The following CACNA2D1 variants were observed in gnomAD, a reference collection of about 807,000 sequenced individuals.
The protein encoded by CACNA2D1 is calcium voltage-gated channel auxiliary subunit alpha2delta 1.
CACNA2D1 carries 53 observed loss-of-function variants against 171.5 expected under a neutral mutation model. The observed-to-expected ratio is 0.31, with a 90% CI of 0.25 to 0.39. The LOEUF (loss-of-function observed/expected upper bound fraction) is 0.39. Among genes scored for constraint, CACNA2D1 ranks in the 10% least tolerant of loss-of-function variants. The probability of loss-of-function intolerance (pLI) is 1.00; values close to 1 mark genes in which losing one functional copy is unlikely to be tolerated. For missense variants in CACNA2D1, 903 were observed against 1,299.8 expected (o/e 0.69, Z 4.69); for synonymous variants, 442 against 443.1 (o/e 1.00, Z 0.03).
chr7:82,141,464 A>G (rs1343978003), intron 4 of CACNA2D1, among the ~76,000 whole-genome samples: 2 of 152,196 alleles, frequency 1.3e-5, no homozygotes, highest in African/African-American at 4.8e-5. Flanking sequence ...CCCTTAACCC[A>G]GTCTCCTGTT....
chr7:82,331,664 TGCACCAGGTGTCTTGA>T (rs1251194968), intron 3 of CACNA2D1, among the ~76,000 whole-genome samples: 4 of 152,180 alleles, frequency 2.6e-5, no homozygotes, highest in African/African-American at 9.7e-5. Context: ...ACTCAAATAA[TGCACCAGGTGTCTTGA>T]GCTTCCATTC....
At chr7:82,095,913 T>C (rs1370949057) in intron 6 of CACNA2D1, among the ~76,000 whole-genome samples, 1 of 152,186 alleles carries the variant, frequency 6.6e-6, no homozygotes, top group Non-Finnish European at 1.5e-5. Flanking sequence ...AAATCACCCC[T>C]TTTAATGGAG....
At chr7:82,218,002 T>A (rs182665196) in intron 3 of CACNA2D1, among the ~76,000 whole-genome samples, 2,434 of 152,056 alleles carry the variant, frequency 0.016, 69 homozygotes, top group African/African-American at 0.051. Flanking sequence ...TGGTGCGATC[T>A]CTGCTCACTG....
chr7:82,048,684 A>G (rs1396425999), intron 10 of CACNA2D1, among the ~76,000 whole-genome samples: 2 of 152,136 alleles, frequency 1.3e-5, no homozygotes, highest in Non-Finnish European at 2.9e-5. Flanking sequence ...TTTTAAGCCT[A>G]CTAAATAATT....
At chr7:81,973,595 A>T (rs972212055) in intron 25 of CACNA2D1, among the ~76,000 whole-genome samples, 33 of 151,812 alleles carry the variant, frequency 2.2e-4, no homozygotes, top group African/African-American at 7.7e-4. Flanking sequence ...AGGGAGGGAG[A>T]AGAGAACAAA....
chr7:82,095,192 T>C (rs1811709976), intron 6 of CACNA2D1, among the ~76,000 whole-genome samples: 1 of 152,136 alleles, frequency 6.6e-6, no homozygotes, highest in Non-Finnish European at 1.5e-5. Flanking sequence ...TTTTTTCCTA[T>C]GCCTACTTGT....
rs555778382 is a variant in CACNA2D1, at chr7:82,032,784, A to C, written c.1143+13T>G. The C allele has an allele frequency of 2.0e-5, 27 of 1,373,880 alleles. No individual in the cohort carries two copies. The East Asian group carries it at 5.6e-4, about 29-fold the overall frequency. 85.1% of individuals were successfully genotyped at this position (1,373,880 alleles called of 1,614,324 possible). On this transcript the variant is annotated intron_variant, in intron 12 of 38. Transcript: ENST00000356860. ...TCATTATTAAAATTTAAATATTATA[A>C]AATTACACTCACTTTTTTATCTTTA...
chr7:82,252,774 C>A (rs1805812752), intron 3 of CACNA2D1, among the ~76,000 whole-genome samples: 1 of 152,028 alleles, frequency 6.6e-6, no homozygotes, highest in African/African-American at 2.4e-5. Context: ...CCTGTAGTCC[C>A]AGCTACTCAG....
intron 15 of CACNA2D1, among the ~76,000 whole-genome samples, chr7:82,010,551 A>G (rs1799664187): frequency 6.6e-6 from 1 of 152,130 alleles, no homozygotes; most frequent in African/African-American, 2.4e-5. Context: ...GACTCCTCCT[A>G]TCATACACTG....
intron 21 of CACNA2D1, among the ~76,000 whole-genome samples, chr7:81,988,566 G>A (rs1017540037): frequency 6.6e-6 from 1 of 152,064 alleles, no homozygotes; most frequent in Non-Finnish European, 1.5e-5. Context: ...TTTATTAGGA[G>A]AGAAATAGTT....
At chr7:81,975,070 C>G (rs1404288775) in intron 24 of CACNA2D1, among the ~76,000 whole-genome samples, 1 of 151,658 alleles carries the variant, frequency 6.6e-6, no homozygotes, top group East Asian at 1.9e-4. Flanking sequence ...ACAAACACAA[C>G]TGAGTGGACA....
intron 10 of CACNA2D1, among the ~76,000 whole-genome samples, chr7:82,054,965 A>G (rs948874041): frequency 1.3e-5 from 2 of 152,216 alleles, no homozygotes; most frequent in Non-Finnish European, 2.9e-5. Context: ...TCAGCCAACT[A>G]TCAACTAAGG....
chr7:82,064,376 A>G (rs777607534), intron 8 of CACNA2D1, 22 bp from the exon 9 acceptor site: 3 of 1,561,450 alleles, frequency 1.9e-6, no homozygotes. Flanking sequence ...ATTGTAATAA[A>G]TGCTTTTCTC....
At chr7:82,269,304 T>C (rs868537983) in intron 3 of CACNA2D1, among the ~76,000 whole-genome samples, 3 of 152,266 alleles carry the variant, frequency 2.0e-5, no homozygotes, top group Middle Eastern at 3.4e-3. Flanking sequence ...CCTTTTTTCA[T>C]ACATTTTACA....
chr7:81,972,858 TTTAAG>T (rs1172329773), intron 25 of CACNA2D1, among the ~76,000 whole-genome samples: 10 of 152,128 alleles, frequency 6.6e-5, no homozygotes, highest in South Asian at 4.1e-4. Context: ...TTTTAATTAT[TTTAAG>T]TTAATATATC....
At chr7:82,272,804 T>G (rs1237229984) in intron 3 of CACNA2D1, among the ~76,000 whole-genome samples, 1 of 152,138 alleles carries the variant, frequency 6.6e-6, no homozygotes, top group Non-Finnish European at 1.5e-5. Context: ...AAAAAAAATG[T>G]GCACAGTGAA....
At chr7:82,389,775 T>A (rs549892511) in intron 1 of CACNA2D1, among the ~76,000 whole-genome samples, 369 of 152,336 alleles carry the variant, frequency 2.4e-3, no homozygotes, top group South Asian at 0.017. Context: ...CTAAGGTATA[T>A]ATCCTTAATA....
chr7:82,114,872 T>C (rs1035025653), intron 6 of CACNA2D1, among the ~76,000 whole-genome samples: 2 of 152,158 alleles, frequency 1.3e-5, no homozygotes, highest in Non-Finnish European at 2.9e-5. Flanking sequence ...TTAACTTCTT[T>C]TACACATCAG....
rs148006382 is a variant in CACNA2D1 at position 82,270,472 on chromosome 7, G to A, written c.294+64663C>T. Among the ~76,000 whole-genome samples, 57 of 151,998 alleles carry A rather than the reference G, an allele frequency of 3.8e-4. No homozygotes were observed. The East Asian group carries it at 8.9e-3, about 24-fold the overall frequency. ...AGTTTTCTGTGTATGTATACACCTC[G>A]GTTTATTTATCCAATCTTTCGTTAA... On this transcript the variant is annotated intron_variant, in intron 3 of 38. Transcript: ENST00000356860.
Sources: allele counts gnomAD v4.1 joint callset (sites outside exome capture counted in the v4.1 genomes callset), GRCh38; gene constraint gnomAD v4.1.1; transcripts MANE v1.5; gene names NCBI Gene and HGNC (gene_info 2026-07-23, HGNC 2026-07-21).